CFAP61: variants seen among roughly 807,000 people sequenced by gnomAD.
CFAP61 encodes cilia- and flagella-associated protein 61.
A neutral mutation model predicts 135.6 loss-of-function variants in CFAP61; 107 were observed. That is an observed-to-expected ratio of 0.79 (90% CI 0.67 to 0.93). The LOEUF (loss-of-function observed/expected upper bound fraction) is 0.93, where lower values mean the gene tolerates loss of function less well. CFAP61 is among the 40% of genes least tolerant of loss of function. The pLI is 0.00. For missense variants in CFAP61, 1,507 were observed against 1,556.2 expected (o/e 0.97, Z 0.53); for synonymous variants, 575 against 578.5 (o/e 0.99, Z 0.09).
chr20:20,109,464 G>A (rs765869159), intron 8 of CFAP61, among the ~76,000 whole-genome samples: 19 of 152,030 alleles, frequency 1.2e-4, no homozygotes, highest in East Asian at 3.9e-4. Flanking sequence ...TGTTCCATAC[G>A]TCAGTCCTTC....
intron 13 of CFAP61, among the ~76,000 whole-genome samples, chr20:20,183,595 A>T (rs1327624116): frequency 6.6e-6 from 1 of 152,234 alleles, no homozygotes; most frequent in Non-Finnish European, 1.5e-5. Context: ...AGATTTTTGA[A>T]TAGCCACATT....
intron 2 of CFAP61, among the ~76,000 whole-genome samples, chr20:20,069,407 G>A (rs947766092): frequency 1.3e-5 from 2 of 152,062 alleles, no homozygotes; most frequent in Non-Finnish European, 2.9e-5. Context: ...AGCCTCCCGA[G>A]TAGCTGGGAT....
At chr20:20,214,785 C>T (rs558791998) in intron 17 of CFAP61, among the ~76,000 whole-genome samples, 9 of 152,348 alleles carry the variant, frequency 5.9e-5, no homozygotes, top group African/African-American at 1.9e-4. Context: ...GGGCTCCCCT[C>T]CTGGCCTCCT....
At chr20:20,213,183 C>T (rs935771084) in intron 17 of CFAP61, among the ~76,000 whole-genome samples, 2 of 152,196 alleles carry the variant, frequency 1.3e-5, no homozygotes, top group African/African-American at 4.8e-5. Context: ...AGACACGCCT[C>T]CACACACACT....
chr20:20,186,229 A>G (rs2055488132), intron 13 of CFAP61, among the ~76,000 whole-genome samples: 1 of 152,214 alleles, frequency 6.6e-6, no homozygotes, highest in African/African-American at 2.4e-5. Context: ...CTATCATTGT[A>G]AATTTGCCTA....
chr20:20,235,040 G>A (rs964790313), intron 18 of CFAP61, among the ~76,000 whole-genome samples: 4 of 152,100 alleles, frequency 2.6e-5, no homozygotes, highest in Non-Finnish European at 5.9e-5. Flanking sequence ...TTTCAAAGGC[G>A]GGAAGTGGCT....
intron 10 of CFAP61, among the ~76,000 whole-genome samples, chr20:20,161,741 T>C (rs1044382271): frequency 2.0e-5 from 3 of 152,128 alleles, no homozygotes; most frequent in African/African-American, 7.2e-5. Context: ...TCTAGAGAAA[T>C]TGAACAGAGG....
chr20:20,206,793 T>C (rs1205811463), intron 17 of CFAP61, among the ~76,000 whole-genome samples: 1 of 152,134 alleles, frequency 6.6e-6, no homozygotes, highest in East Asian at 1.9e-4. Context: ...GCGGTGTCTA[T>C]ACCTACAAGT....
At chr20:20,116,296 G>T (rs555305920) in intron 8 of CFAP61, among the ~76,000 whole-genome samples, 1 of 151,808 alleles carries the variant, frequency 6.6e-6, no homozygotes, top group Non-Finnish European at 1.5e-5. Context: ...TTTTGCTATT[G>T]AATTATTTGA....
chr20:20,090,578 T>C, intron 6 of CFAP61, among the ~76,000 whole-genome samples: 1 of 150,700 alleles, frequency 6.6e-6, no homozygotes. Context: ...TAGTCCCACC[T>C]ACTCGGGAGG....
chr20:20,197,792 G>A (rs2056394431), intron 16 of CFAP61, among the ~76,000 whole-genome samples: 1 of 152,148 alleles, frequency 6.6e-6, no homozygotes, highest in Non-Finnish European at 1.5e-5. Context: ...GGGGTGAAGG[G>A]ATTCAACCAC....
chr20:20,209,518 C>A (rs2047479281), intron 17 of CFAP61, among the ~76,000 whole-genome samples: 1 of 151,994 alleles, frequency 6.6e-6, no homozygotes. Flanking sequence ...TACAACAAAC[C>A]CTCTTTTTTA....
intron 1 of CFAP61, chr20:20,056,158 C>G (rs750038117): frequency 9.7e-6 from 6 of 617,740 alleles, no homozygotes; most frequent in Non-Finnish European, 1.4e-5. Context: ...CACTTAACCA[C>G]AGAACTTTTT....
chr20:20,065,565 C>T (rs1411157126), intron 2 of CFAP61, among the ~76,000 whole-genome samples: 1 of 151,360 alleles, frequency 6.6e-6, no homozygotes, highest in Non-Finnish European at 1.5e-5. Flanking sequence ...CAACTCCTGT[C>T]CCCTGGCCAA....
chr20:20,111,631 T>C (rs1201025300), intron 8 of CFAP61, among the ~76,000 whole-genome samples: 3 of 152,312 alleles, frequency 2.0e-5, no homozygotes, highest in African/African-American at 7.2e-5. Context: ...TGCAAACAAC[T>C]ATATTGCCAT....
chr20:20,358,325 T>C lies in CFAP61; in HGVS notation c.3514-1885T>C, dbSNP rs1373638966. On this transcript the variant is annotated intron_variant, in intron 26 of 26. Transcript: ENST00000245957. Reference sequence around the variant, plus strand: ...ATGATCACAGTATGAGAGGTCATCCTTCAAGAGGCAAGTGCCCAAAAATCT... The same window carrying C: ...ATGATCACAGTATGAGAGGTCATCCCTCAAGAGGCAAGTGCCCAAAAATCT... Among the ~76,000 whole-genome samples, 6 of 152,120 alleles carry C rather than the reference T, an allele frequency of 3.9e-5. No individual in the cohort carries two copies. The East Asian group carries it at 1.2e-3, about 29-fold the overall frequency.
At chr20:20,354,796 A>G (rs907019348) in intron 26 of CFAP61, among the ~76,000 whole-genome samples, 5 of 149,940 alleles carry the variant, frequency 3.3e-5, no homozygotes, top group African/African-American at 1.0e-4. Context: ...AGGTGGTCAC[A>G]CTGTGTCAGG....
rs557483220 is a variant in CFAP61 at position 20,052,671 on chromosome 20, C to T, written c.-37+80C>T. On this transcript the variant is annotated intron_variant, in intron 1 of 26. Coordinates refer to ENST00000245957, the MANE Select transcript of CFAP61 (RefSeq NM_015585.4). ...CAGGGCGCATCCCCAGGTCAGCCTC[C>T]GGAACTGGGATGACCAGGCGAGGAC... The T allele has an allele frequency of 3.1e-6, 5 of 1,613,230 alleles. No homozygotes were observed. In the South Asian group the frequency reaches 3.3e-5, roughly 11 times the overall value.
At chr20:20,354,996 G>C (rs1413203125) in intron 26 of CFAP61, among the ~76,000 whole-genome samples, 7 of 147,732 alleles carry the variant, frequency 4.7e-5, no homozygotes, top group Non-Finnish European at 6.0e-5. Context: ...GTCACACTGA[G>C]GGGAGATGGT....
Sources: gnomAD v4.1 joint callset for allele counts (sites outside exome capture counted in the v4.1 genomes callset) on GRCh38, gnomAD v4.1.1 for gene constraint, MANE v1.5 for transcripts, NCBI Gene and HGNC (gene_info 2026-07-23, HGNC 2026-07-21) for gene names.